FOXN3: variants seen among roughly 807,000 people sequenced by gnomAD.
The protein encoded by FOXN3 is forkhead box N3, also known as forkhead box protein N3.
In FOXN3, 7 loss-of-function variants were observed where a neutral mutation model predicts 38.4. That is an observed-to-expected ratio of 0.18 (90% CI 0.10 to 0.34). FOXN3 has a LOEUF of 0.34. Among genes scored for constraint, FOXN3 ranks in the 10% least tolerant of loss-of-function variants. FOXN3 has a pLI of 1.00. For missense variants in FOXN3, 456 were observed against 613.4 expected, an observed-to-expected ratio of 0.74 and a Z score of 2.71; for synonymous variants, 230 against 242.2, an observed-to-expected ratio of 0.95 and a Z score of 0.47.
At chr14:89,492,782 C>G (rs1893609268) in intron 1 of FOXN3, among the ~76,000 whole-genome samples, 1 of 152,208 alleles carries the variant, frequency 6.6e-6, no homozygotes, top group East Asian at 1.9e-4. Context: ...CTCTGGATTG[C>G]TCAGACTACA....
intron 3 of FOXN3, among the ~76,000 whole-genome samples, chr14:89,348,346 GGTCAT>G (rs1888832939): frequency 6.6e-6 from 1 of 152,022 alleles, no homozygotes; most frequent in Non-Finnish European, 1.5e-5. Context: ...ATCTTCTCTA[GGTCAT>G]GTCAACAAGT....
intron 3 of FOXN3, among the ~76,000 whole-genome samples, chr14:89,340,535 A>G (rs1044082593): frequency 6.6e-6 from 1 of 152,162 alleles, no homozygotes; most frequent in African/African-American, 2.4e-5. Flanking sequence ...TGCTTTGACA[A>G]ATAATGCAAC....
intron 3 of FOXN3, among the ~76,000 whole-genome samples, chr14:89,336,162 A>ACACT (rs1888449755): frequency 6.8e-6 from 1 of 146,042 alleles, no homozygotes; most frequent in African/African-American, 2.5e-5. Flanking sequence ...ACACACACAC[A>ACACT]CACACACACA....
chr14:89,519,336 A>C (rs1894273609), intron 1 of FOXN3, among the ~76,000 whole-genome samples: 1 of 152,150 alleles, frequency 6.6e-6, no homozygotes, highest in South Asian at 2.1e-4. Context: ...TTCTCTTCAC[A>C]CTGCCTCCCT....
intron 3 of FOXN3, among the ~76,000 whole-genome samples, chr14:89,348,317 G>T (rs936353318): frequency 2.0e-5 from 3 of 152,088 alleles, no homozygotes; most frequent in African/African-American, 7.2e-5. Context: ...CCTGTTTAAT[G>T]ACTCGGTGTT....
rs111709347 is a variant in FOXN3, at chr14:89,541,718, A to G, written c.-15+77310T>C. ...TGCTCTGAATTCTTTCTTGCATGAG[A>G]TTCAAGAACCCTCTTGGCCTCTGGA... is the stretch of plus-strand genomic sequence containing the variant. On this transcript the variant is annotated intron_variant, in intron 1 of 6. Transcript: ENST00000345097. Among the ~76,000 whole-genome samples, 1,151 of 152,088 alleles carry G rather than the reference A, an allele frequency of 7.6e-3. 18 individuals are homozygous for G. Among genetic ancestry groups the G allele is most frequent in the African/African-American group, 0.026 (1,092 of 41,508 alleles).
intron 1 of FOXN3, among the ~76,000 whole-genome samples, chr14:89,524,398 A>AAAAAAAAAAAAAAAAT (rs1894390373): frequency 1.1e-5 from 1 of 94,888 alleles, no homozygotes; most frequent in Non-Finnish European, 1.9e-5. Context: ...AAAAAAAAAA[A>AAAAAAAAAAAAAAAAT]AAAAAGAAAG....
At chr14:89,427,002 C>T (rs1176430762) in intron 1 of FOXN3, among the ~76,000 whole-genome samples, 4 of 151,816 alleles carry the variant, frequency 2.6e-5, no homozygotes, top group African/African-American at 7.3e-5. Flanking sequence ...GAAACCGAGG[C>T]GGGTGGATCA....
At chr14:89,557,288 G>C (rs2139873080) in intron 1 of FOXN3, among the ~76,000 whole-genome samples, 1 of 152,240 alleles carries the variant, frequency 6.6e-6, no homozygotes, top group South Asian at 2.1e-4. Context: ...ATAAGAAAAA[G>C]TCTTCTCCCA....
intron 3 of FOXN3, among the ~76,000 whole-genome samples, chr14:89,297,417 G>A (rs1038295947): frequency 9.9e-5 from 15 of 152,094 alleles, no homozygotes; most frequent in Admixed American, 3.3e-4. Flanking sequence ...AAAATTAGCC[G>A]GGCGTGGTGG....
chr14:89,562,808 C>T (rs1023079140), intron 1 of FOXN3, among the ~76,000 whole-genome samples: 15 of 152,152 alleles, frequency 9.9e-5, no homozygotes, highest in African/African-American at 3.4e-4. Flanking sequence ...GAATTTGTGC[C>T]ACTTTTGAAT....
intron 1 of FOXN3, among the ~76,000 whole-genome samples, chr14:89,494,774 G>A (rs1006599440): frequency 5.3e-5 from 8 of 152,196 alleles, no homozygotes; most frequent in African/African-American, 1.9e-4. Context: ...TTAGGCAAAA[G>A]CATAAACCCT....
rs1887199708 is a variant in FOXN3 at position 89,164,865 on chromosome 14, G to C, written c.852-1896C>G. On this transcript the variant is annotated intron_variant, in intron 5 of 5. Coordinates refer to ENST00000557258, the MANE Select transcript of FOXN3 (RefSeq NM_005197.4). This position sits in a 1 kb window ranked among gnomAD's most constrained non-coding sequence, Gnocchi z 4.3. ...GGAGACTTCAGCTGCATCCCACATA[G>C]AAAGTGAAAGGGGAAGGGAAAGAGT... is the stretch of plus-strand genomic sequence containing the variant. Among the ~76,000 whole-genome samples the C allele has an allele frequency of 6.6e-6, 1 of 152,154 alleles. No homozygotes were observed. The highest frequency in any genetic ancestry group is 1.5e-5 in the Non-Finnish European group (1 of 68,036).
intron 1 of FOXN3, among the ~76,000 whole-genome samples, chr14:89,487,770 C>T (rs1893479259): frequency 1.3e-5 from 2 of 152,114 alleles, no homozygotes; most frequent in African/African-American, 4.8e-5. Context: ...CAAATACTGG[C>T]AGACCGTGTT....
upstream of FOXN3, chr14:89,417,735 G>A: frequency 2.2e-6 from 1 of 455,994 alleles, no homozygotes. Flanking sequence ...CCAGTGCTGC[G>A]TCCTGATAGG....
chr14:89,570,500 G>GA (rs142011599), intron 1 of FOXN3, among the ~76,000 whole-genome samples: 7,122 of 152,004 alleles, frequency 0.047, 514 homozygotes, highest in African/African-American at 0.16. Context: ...TTTTACAGAT[G>GA]AAAAAACGGG....
At chr14:89,348,168 T>C (rs1218565794) in intron 3 of FOXN3, among the ~76,000 whole-genome samples, 1 of 151,882 alleles carries the variant, frequency 6.6e-6, no homozygotes, top group East Asian at 1.9e-4. Context: ...ACCATCTTCT[T>C]CAGGATGCTA....
intron 1 of FOXN3, among the ~76,000 whole-genome samples, chr14:89,511,211 C>CTT (rs1486703309): frequency 1.9e-4 from 2 of 10,446 alleles, no homozygotes; most frequent in African/African-American, 3.0e-4. Context: ...TCTTTTCTTT[C>CTT]TTTCTTTCTT....
At chr14:89,600,290 T>C (rs35802157) in intron 1 of FOXN3, among the ~76,000 whole-genome samples, 70,064 of 152,000 alleles carry the variant, frequency 0.46, 19,592 homozygotes, top group Middle Eastern at 0.67. Context: ...GTCACAAACA[T>C]GTCAGACTGT....
Sources: gnomAD v4.1 joint callset for allele counts (sites outside exome capture counted in the v4.1 genomes callset) on GRCh38, gnomAD v4.1.1 for gene constraint, Gnocchi (gnomAD v3.1) non-coding constraint, MANE v1.5 for transcripts, NCBI Gene and HGNC (gene_info 2026-07-23, HGNC 2026-07-21) for gene names.